The following CFH variants were observed in gnomAD, a reference collection of about 807,000 sequenced individuals.
The protein encoded by CFH is H factor 1 (complement).
In CFH, 53 loss-of-function variants were observed where a neutral mutation model predicts 147.3. That is an observed-to-expected ratio of 0.36 (90% CI 0.29 to 0.45). The LOEUF (loss-of-function observed/expected upper bound fraction) is 0.45. Among genes scored for constraint, CFH ranks in the 20% least tolerant of loss-of-function variants. The pLI, the probability that CFH is intolerant of heterozygous loss-of-function variation, is 1.00. For missense variants in CFH, 1,380 were observed against 1,498.0 expected, an observed-to-expected ratio of 0.92 and a Z score of 1.30; for synonymous variants, 536 against 489.4, an observed-to-expected ratio of 1.10 and a Z score of -1.26.
intron 10 of CFH, among the ~76,000 whole-genome samples, chr1:196,714,128 G>A (rs886368172): frequency 3.3e-5 from 5 of 151,808 alleles, no homozygotes; most frequent in African/African-American, 7.3e-5. Context: ...CTACTCTAAA[G>A]CATTCTGTGT....
chr1:196,737,138 A>C, intron 16 of CFH, 132 bp downstream of exon 16: 1 of 799,632 alleles, frequency 1.3e-6, no homozygotes, highest in Non-Finnish European at 2.0e-6. Context: ...ATTAGGACCT[A>C]GGCACATTAA....
intron 17 of CFH, among the ~76,000 whole-genome samples, chr1:196,738,925 G>A (rs574812747): frequency 3.9e-5 from 6 of 152,208 alleles, no homozygotes; most frequent in Non-Finnish European, 7.3e-5. Context: ...GGACATCCAG[G>A]TATTTTCATA....
At position 196,726,853 on chromosome 1, in the gene CFH, T is replaced by G. The variant is rs775860423; in HGVS notation, c.2149T>G (p.Phe717Val). The change falls in exon 14 of 22, where the codon TTC (phenylalanine) becomes GTC (valine). Residue 717 changes from phenylalanine (F) to valine (V), a missense_variant. Around this residue, in one of 4 missense-constraint regions of CFH, gnomAD observed 830 missense variants for 821.4 expected, o/e 1.01. Coordinates refer to ENST00000367429, the MANE Select transcript of CFH (RefSeq NM_000186.4). ...TTATTACTATGGAGATTCAGTGGAA[T>G]TCAATTGCTCAGAATCATTTACAAT... ...PPYYYGDSVEFNCSESFTMIG... is the reference protein window; with the variant it reads ...PPYYYGDSVEVNCSESFTMIG... The G allele has an allele frequency of 6.8e-6, 11 of 1,613,784 alleles. No homozygotes were observed. In the African/African-American group the frequency reaches 1.2e-4, roughly 18 times the overall value.
intron 9 of CFH, among the ~76,000 whole-genome samples, chr1:196,705,952 T>C (rs1322437057): frequency 1.3e-5 from 2 of 152,188 alleles, no homozygotes; most frequent in Non-Finnish European, 2.9e-5. Flanking sequence ...TATAAATTAC[T>C]GAGCAAGTGT....
intron 11 of CFH, among the ~76,000 whole-genome samples, chr1:196,716,441 A>G (rs1220198680): frequency 1.3e-5 from 2 of 152,120 alleles, no homozygotes; most frequent in African/African-American, 4.8e-5. Flanking sequence ...TATCATTTGG[A>G]TTCATTTTAT....
At chr1:196,742,085 A>C in intron 19 of CFH, 34 bp downstream of exon 19, 1 of 1,605,830 alleles carries the variant, frequency 6.2e-7, no homozygotes, top group South Asian at 1.1e-5. Flanking sequence ...TTATTTATAT[A>C]ATGTGTGGGC....
At chr1:196,722,973 C>A (rs1000386089) in intron 11 of CFH, among the ~76,000 whole-genome samples, 1 of 151,672 alleles carries the variant, frequency 6.6e-6, no homozygotes, top group African/African-American at 2.4e-5. Context: ...TCATTCATAT[C>A]CTGAGTTTTT....
At chr1:196,676,142 T>A in intron 4 of CFH, 77 bp downstream of exon 4, 1 of 851,016 alleles carries the variant, frequency 1.2e-6, no homozygotes, top group Non-Finnish European at 1.8e-6. Flanking sequence ...TAAAATATCT[T>A]AAAGTCTCTA....
In CFH at chr1:196,713,836, G is replaced by A. The variant is rs1342405774; in HGVS notation, c.1438G>A (p.Gly480Arg). The change falls in exon 10 of 22, where the codon GGA becomes AGA. Residue 480 changes from glycine to arginine, a missense_variant. Physicochemically the swap from Gly to Arg is moderately radical, Grantham distance 125. Around this residue, in one of 4 missense-constraint regions of CFH, gnomAD observed 830 missense variants for 821.4 expected, o/e 1.01. Coordinates refer to ENST00000367429, the MANE Select transcript of CFH (RefSeq NM_000186.4). ...AAAAGCGAAATATCAATGCAAACTA[G>A]GATATGTAACAGCAGATGGTGAAAC... ...KEKAKYQCKL[G>R]YVTADGETSG... The A allele has an allele frequency of 1.2e-6, 2 of 1,612,600 alleles. No homozygotes were observed. Among genetic ancestry groups the A allele is most frequent in the East Asian group, 4.5e-5 (2 of 44,734 alleles).
intron 1 of CFH, among the ~76,000 whole-genome samples, chr1:196,666,985 T>C (rs921915619): frequency 6.6e-6 from 1 of 152,190 alleles, no homozygotes; most frequent in African/African-American, 2.4e-5. Flanking sequence ...GACAGTGTTT[T>C]ATTAATATAA....
chr1:196,724,825 A>T (rs1373333153), intron 11 of CFH, among the ~76,000 whole-genome samples: 2 of 152,210 alleles, frequency 1.3e-5, no homozygotes, highest in Non-Finnish European at 2.9e-5. Flanking sequence ...TAAAAAAAGT[A>T]ATATTAAATT....
chr1:196,747,076 C>A (rs1365246448), intron 21 of CFH, 35 bp from the exon 22 acceptor site: 4 of 1,612,258 alleles, frequency 2.5e-6, no homozygotes, highest in Non-Finnish European at 1.7e-6. Context: ...TTGCATACTA[C>A]TTAATGTTTT....
chr1:196,662,333 G>T (rs192119104), intron 1 of CFH, among the ~76,000 whole-genome samples: 5 of 152,214 alleles, frequency 3.3e-5, no homozygotes, highest in African/African-American at 1.2e-4. Flanking sequence ...CCTTCTCACA[G>T]TTTACCTACT....
intron 5 of CFH, chr1:196,678,686 A>G (rs990206780): frequency 6.6e-6 from 1 of 152,044 alleles, no homozygotes; most frequent in Non-Finnish European, 1.5e-5. Flanking sequence ...GCTGATGCCT[A>G]CGATTAAGTC....
chr1:196,712,104 T>C (rs1223747264), intron 9 of CFH, among the ~76,000 whole-genome samples: 1 of 152,172 alleles, frequency 6.6e-6, no homozygotes. Flanking sequence ...ACTTTGATGA[T>C]GGAACTCATC....
At chr1:196,737,750 T>A in intron 17 of CFH, 90 bp downstream of exon 17, 1 of 949,192 alleles carries the variant, frequency 1.1e-6, no homozygotes. Flanking sequence ...TAATTGAGAT[T>A]ACTGCATATA....
rs143652623 is a variant in CFH at position 196,652,927 on chromosome 1, T to C, written c.58+752T>C. 3.2e-3 allele frequency among the ~76,000 whole-genome samples: 490 copies of C among 151,996 alleles called. 1 individual carries two copies. The highest frequency in any genetic ancestry group is 0.011 in the African/African-American group (442 of 41,560). On this transcript the variant is annotated intron_variant, in intron 1 of 21. Coordinates refer to ENST00000367429, the MANE Select transcript of CFH (RefSeq NM_000186.4). ...CTTCTTGATAGATTAAAAAGCTTATTCTTGGAGGAGGTTTGCTTTCCTAGT... is the reference window on the plus strand; with the variant it reads ...CTTCTTGATAGATTAAAAAGCTTATCCTTGGAGGAGGTTTGCTTTCCTAGT...
intron 12 of CFH, among the ~76,000 whole-genome samples, 197 bp from the exon 13 acceptor site, chr1:196,726,273 C>A (rs1215700412): frequency 6.6e-6 from 1 of 152,070 alleles, no homozygotes; most frequent in Non-Finnish European, 1.5e-5. Flanking sequence ...CATATTTTAA[C>A]ATTTTAATAT....
intron 9 of CFH, chr1:196,701,360 G>C (rs1319752422): frequency 6.2e-7 from 1 of 1,613,614 alleles, no homozygotes; most frequent in Non-Finnish European, 8.5e-7. Flanking sequence ...TCCCTCTCCA[G>C]CTTGAGTGGA....
Sources: gnomAD v4.1 joint callset for allele counts (sites outside exome capture counted in the v4.1 genomes callset) on GRCh38, gnomAD v4.1.1 for gene constraint, gnomAD v4.1.1 regional missense constraint, MANE v1.5 for transcripts, NCBI Gene and HGNC (gene_info 2026-07-23, HGNC 2026-07-21) for gene names.